Variants in DNER observed in about 807,000 individuals in gnomAD.
DNER encodes the protein delta and Notch-like epidermal growth factor-related receptor.
In DNER, 33 loss-of-function variants were observed where a neutral mutation model predicts 78.2. The ratio of observed to expected loss-of-function variants is 0.42; its 90% CI spans 0.32 to 0.56. The LOEUF (loss-of-function observed/expected upper bound fraction) is 0.56. Ranked by LOEUF, DNER falls within the 20% of genes least tolerant of loss-of-function variation. The pLI is 0.11. For synonymous variants in DNER, 417 were observed against 384.8 expected (o/e 1.08, Z -0.98); for missense variants, 918 against 975.3 (o/e 0.94, Z 0.78).
At chr2:229,582,562 G>GTC (rs1321489638) in intron 4 of DNER, among the ~76,000 whole-genome samples, 1 of 152,148 alleles carries the variant, frequency 6.6e-6, no homozygotes, top group African/African-American at 2.4e-5. Context: ...AATAAAGGAT[G>GTC]TTACTCAAAA....
chr2:229,564,052 A>ATCC (rs1697040452), intron 4 of DNER, among the ~76,000 whole-genome samples: 1 of 118,884 alleles, frequency 8.4e-6, no homozygotes, highest in Non-Finnish European at 1.7e-5. Context: ...CATCAACACC[A>ATCC]TCACCCCATC....
intron 11 of DNER, among the ~76,000 whole-genome samples, chr2:229,383,777 A>G (rs1206688498): frequency 6.6e-6 from 1 of 151,964 alleles, no homozygotes; most frequent in Non-Finnish European, 1.5e-5. Context: ...TTAGAGACCT[A>G]AAAAGAGAAT....
At chr2:229,363,163 T>A (rs1048643778) in intron 12 of DNER, among the ~76,000 whole-genome samples, 1 of 152,156 alleles carries the variant, frequency 6.6e-6, no homozygotes, top group African/African-American at 2.4e-5. Flanking sequence ...AGATGACTCC[T>A]GGGATGAGGA....
intron 4 of DNER, among the ~76,000 whole-genome samples, chr2:229,553,452 A>T (rs1696788305): frequency 6.6e-6 from 1 of 152,210 alleles, no homozygotes; most frequent in Admixed American, 6.5e-5. Context: ...ATGTCATCTC[A>T]TGAGTGTTAG....
chr2:229,657,412 A>G (rs9646889), intron 1 of DNER, among the ~76,000 whole-genome samples: 59,680 of 152,000 alleles, frequency 0.39, 13,878 homozygotes, highest in Non-Finnish European at 0.53. Context: ...GGTTGGTTCT[A>G]TACCTTGTCT....
chr2:229,548,708 G>A (rs181408113), intron 4 of DNER, among the ~76,000 whole-genome samples: 6 of 152,036 alleles, frequency 3.9e-5, no homozygotes, highest in Non-Finnish European at 7.4e-5. Context: ...CAAACTGCAC[G>A]TTCTGCACAT....
At chr2:229,596,664 C>G (rs981425315) in intron 1 of DNER, among the ~76,000 whole-genome samples, 1 of 152,144 alleles carries the variant, frequency 6.6e-6, no homozygotes, top group African/African-American at 2.4e-5. Context: ...TCAGTCCCAC[C>G]AGGTAAGGGG....
At chr2:229,487,173 T>C (rs1431459037) in intron 6 of DNER, among the ~76,000 whole-genome samples, 2 of 152,146 alleles carry the variant, frequency 1.3e-5, no homozygotes, top group Admixed American at 1.3e-4. Context: ...GAGTGGGAGG[T>C]CTTGGGCTCA....
intron 1 of DNER, among the ~76,000 whole-genome samples, chr2:229,708,685 G>C (rs1699865295): frequency 1.3e-5 from 2 of 152,158 alleles, no homozygotes; most frequent in African/African-American, 4.8e-5. Flanking sequence ...TCAAATGAGA[G>C]CATAAACAAA....
At chr2:229,360,391 A>G (rs1273515819) in intron 12 of DNER, among the ~76,000 whole-genome samples, 1 of 152,154 alleles carries the variant, frequency 6.6e-6, no homozygotes, top group African/African-American at 2.4e-5. Flanking sequence ...CCAATTGTAT[A>G]TATCTTTAAA....
Position 229,679,554 on chromosome 2 carries a change from G to T in DNER, c.276+34594C>A, listed in dbSNP as rs371731230. ...CCATAATACCTAACGTCGTCTGACA[G>T]TTTAAAACAGTGGTCTCAAAAGGTA... On this transcript the variant is annotated intron_variant, in intron 1 of 12. Transcript: ENST00000341772. Among the ~76,000 whole-genome samples, 9 of 152,090 alleles carry T rather than the reference G, an allele frequency of 5.9e-5. No individual in the cohort carries two copies. In the East Asian group the frequency reaches 1.2e-3, roughly 20 times the overall value.
intron 8 of DNER, among the ~76,000 whole-genome samples, chr2:229,430,080 C>T (rs186415681): frequency 2.6e-5 from 4 of 152,292 alleles, no homozygotes; most frequent in African/African-American, 9.6e-5. Flanking sequence ...CCTTTGCATA[C>T]ATAAATACAG....
At chr2:229,638,919 A>G (rs1240522650) in intron 1 of DNER, among the ~76,000 whole-genome samples, 1 of 152,238 alleles carries the variant, frequency 6.6e-6, no homozygotes, top group Non-Finnish European at 1.5e-5. Flanking sequence ...CCTCAAGGCC[A>G]GGTCTCCAGG....
rs1699139689 is a variant in DNER, at chr2:229,668,516, A to ATATATATACTTACCTATATATAGGTAAG, written c.276+45631_276+45632insCTTACCTATATATAGGTAAGTATATATA. 1.2e-4 allele frequency among the ~76,000 whole-genome samples: 7 copies of ATATATATACTTACCTATATATAGGTAAG among 60,004 alleles called. 1 individual carries two copies. Among genetic ancestry groups the ATATATATACTTACCTATATATAGGTAAG allele is most frequent in the African/African-American group, 5.4e-4 (6 of 11,184 alleles). 39.4% of individuals were successfully genotyped at this position (60,004 alleles called of 152,430 possible). A position where few individuals can be genotyped will look rare whatever the true frequency, so the allele number is the denominator to read the frequency against. ...TATACTTACCTATATATAGGTAAGT[A>ATATATATACTTACCTATATATAGGTAAG]TGTGTGTGTGTGTGTGTGTGTATAT... On this transcript the variant is annotated intron_variant, in intron 1 of 12. Coordinates refer to ENST00000341772, the MANE Select transcript of DNER (RefSeq NM_139072.4).
chr2:229,667,619 C>T (rs1433427546), intron 1 of DNER, among the ~76,000 whole-genome samples: 1 of 152,086 alleles, frequency 6.6e-6, no homozygotes, highest in African/African-American at 2.4e-5. Context: ...ATAGCATTTG[C>T]CCCAAATAAA....
intron 12 of DNER, among the ~76,000 whole-genome samples, chr2:229,364,583 G>C (rs909578496): frequency 6.6e-6 from 1 of 152,036 alleles, no homozygotes; most frequent in Non-Finnish European, 1.5e-5. Context: ...GTCCTCCCTC[G>C]CAGTTACATA....
Position 229,570,990 on chromosome 2 carries a change from G to C in DNER, c.847+14868C>G, listed in dbSNP as rs560988895. On this transcript the variant is annotated intron_variant, in intron 4 of 12. Coordinates refer to ENST00000341772, the MANE Select transcript of DNER (RefSeq NM_139072.4). ...AATGAGAGCCATTGCAGGATTGTGAGCAGAGATGAGACATAAAATGGTCCT... is the reference window on the plus strand; with the variant it reads ...AATGAGAGCCATTGCAGGATTGTGACCAGAGATGAGACATAAAATGGTCCT... 1.1e-4 allele frequency among the ~76,000 whole-genome samples: 17 copies of C among 152,270 alleles called. No individual in the cohort carries two copies. The South Asian group carries it at 3.5e-3, about 32-fold the overall frequency.
At chr2:229,460,945 T>C (rs1694686033) in intron 7 of DNER, among the ~76,000 whole-genome samples, 1 of 152,082 alleles carries the variant, frequency 6.6e-6, no homozygotes, top group Non-Finnish European at 1.5e-5. Context: ...CGATTCCCCC[T>C]TGTAGAAATA....
At chr2:229,542,190 G>A (rs969514205) in intron 5 of DNER, among the ~76,000 whole-genome samples, 22 of 151,926 alleles carry the variant, frequency 1.4e-4, no homozygotes, top group African/African-American at 4.3e-4. Context: ...CCAATAGGCC[G>A]CAGCTGGTAG....
Sources: gnomAD v4.1 joint callset for allele counts (sites outside exome capture counted in the v4.1 genomes callset) on GRCh38, gnomAD v4.1.1 for gene constraint, MANE v1.5 for transcripts, NCBI Gene and HGNC (gene_info 2026-07-23, HGNC 2026-07-21) for gene names.